The following IGSF21 variants were observed in gnomAD, a reference collection of about 807,000 sequenced individuals.
IGSF21 encodes the protein immunoglobulin superfamily member 21.
In IGSF21, 28 loss-of-function variants were observed where a neutral mutation model predicts 46.8. The ratio of observed to expected loss-of-function variants is 0.60; its 90% CI spans 0.44 to 0.82. The LOEUF is 0.82. Ranked by LOEUF, IGSF21 falls within the 40% of genes least tolerant of loss-of-function variation. The pLI, the probability that IGSF21 is intolerant of heterozygous loss-of-function variation, is 0.00. For synonymous variants in IGSF21, 284 were observed against 273.6 expected (o/e 1.04, Z -0.38); for missense variants, 624 against 665.5 (o/e 0.94, Z 0.69).
At chr1:18,122,917 G>T (rs1027912418) in intron 1 of IGSF21, among the ~76,000 whole-genome samples, 1 of 151,640 alleles carries the variant, frequency 6.6e-6, no homozygotes, top group African/African-American at 2.4e-5. Flanking sequence ...ATGAGCCACC[G>T]CACCCAGCCA....
At chr1:18,178,390 A>G (rs1303232102) in intron 1 of IGSF21, among the ~76,000 whole-genome samples, 2 of 151,988 alleles carry the variant, frequency 1.3e-5, no homozygotes, top group African/African-American at 4.8e-5. Context: ...CCTGAGTTGA[A>G]ATCCCTGATC....
intron 5 of IGSF21, among the ~76,000 whole-genome samples, chr1:18,364,085 C>T (rs1557661939): frequency 1.3e-5 from 2 of 152,086 alleles, no homozygotes; most frequent in African/African-American, 4.8e-5. Flanking sequence ...AGGAAGACCC[C>T]TCCTACCCAG....
At chr1:18,375,883 G>T (rs777205594) in intron 6 of IGSF21, 31 of 190,240 alleles carry the variant, frequency 1.6e-4, no homozygotes, top group Non-Finnish European at 3.1e-4. Context: ...GGTACCTCAA[G>T]TCTGGCTGCT....
At chr1:18,377,141 C>T (rs918879087) in intron 8 of IGSF21, 149 bp downstream of exon 8, 15 of 836,916 alleles carry the variant, frequency 1.8e-5, no homozygotes, top group Admixed American at 5.7e-5. Flanking sequence ...CACTGGGAGG[C>T]AGGGTCGCTC....
intron 1 of IGSF21, among the ~76,000 whole-genome samples, chr1:18,199,678 C>G (rs1426919281): frequency 6.6e-6 from 1 of 152,292 alleles, no homozygotes; most frequent in East Asian, 1.9e-4. Context: ...CCCCCCTCCC[C>G]CTTCCCTGGT....
intron 2 of IGSF21, among the ~76,000 whole-genome samples, chr1:18,281,843 T>C (rs897969582): frequency 3.3e-5 from 5 of 152,024 alleles, no homozygotes; most frequent in Non-Finnish European, 7.4e-5. Context: ...GACCTGAGTA[T>C]CTCAGGTGCT....
chr1:18,167,380 C>A (rs1037980022), intron 1 of IGSF21, among the ~76,000 whole-genome samples: 6 of 152,104 alleles, frequency 3.9e-5, no homozygotes, highest in Non-Finnish European at 5.9e-5. Context: ...GAAACCAAGA[C>A]TTGAAAAGGT....
chr1:18,281,418 T>C (rs1358070144), intron 2 of IGSF21, among the ~76,000 whole-genome samples: 4 of 151,830 alleles, frequency 2.6e-5, no homozygotes, highest in Non-Finnish European at 5.9e-5. Flanking sequence ...ATATAAAAAC[T>C]AGCCAGTCGT....
chr1:18,286,482 G>A (rs532052492), intron 2 of IGSF21, among the ~76,000 whole-genome samples: 4 of 152,340 alleles, frequency 2.6e-5, no homozygotes, highest in East Asian at 1.9e-4. Flanking sequence ...GCATAACTAC[G>A]TGCACAGCCT....
rs1398489917 is a variant in IGSF21, at chr1:18,109,066, T to C, written c.70+868T>C. 6.9e-6 allele frequency among the ~76,000 whole-genome samples: 1 copy of C among 144,628 alleles called. No homozygotes were observed. Among genetic ancestry groups the C allele is most frequent in the Non-Finnish European group, 1.5e-5 (1 of 66,578 alleles). The allele number at this position is 144,628 out of a possible 152,430, so 94.9% of individuals were successfully genotyped here. A position where few individuals can be genotyped will look rare whatever the true frequency, so the allele number is the denominator to read the frequency against. On this transcript the variant is annotated intron_variant, in intron 1 of 9. Coordinates refer to ENST00000251296, the MANE Select transcript of IGSF21 (RefSeq NM_032880.5). The surrounding 1 kb of genome is among the most constrained non-coding windows in gnomAD (Gnocchi z 4.8). ...TTAGGCTAAGACAGCTAGAAGGAGG[T>C]TGAAGCCGAGCGGGTTCTCCGGAGC...
chr1:18,156,076 C>A (rs2086565816), intron 1 of IGSF21, among the ~76,000 whole-genome samples: 2 of 152,194 alleles, frequency 1.3e-5, no homozygotes, highest in Non-Finnish European at 2.9e-5. Flanking sequence ...CAGGGCACCT[C>A]TCACACGCGA....
intron 2 of IGSF21, among the ~76,000 whole-genome samples, chr1:18,234,344 CA>C (rs2084654379): frequency 6.6e-6 from 1 of 152,184 alleles, no homozygotes; most frequent in African/African-American, 2.4e-5. Flanking sequence ...CTTATCATAT[CA>C]GTCACATGGG....
rs578244914 is a variant in IGSF21 at position 18,133,988 on chromosome 1, T to C, written c.70+25790T>C. 2.6e-5 allele frequency among the ~76,000 whole-genome samples: 4 copies of C among 152,330 alleles called. No individual in the cohort carries two copies. In the East Asian group the frequency reaches 5.8e-4, roughly 22 times the overall value. ...TGAGCTAAATCCCTTATTTAAGAGATCTTTATCAAGTTTTGATAATGTGCC... is the reference window on the plus strand; with the variant it reads ...TGAGCTAAATCCCTTATTTAAGAGACCTTTATCAAGTTTTGATAATGTGCC... On this transcript the variant is annotated intron_variant, in intron 1 of 9. Transcript: ENST00000251296.
intron 1 of IGSF21, among the ~76,000 whole-genome samples, chr1:18,166,431 G>A (rs1435664337): frequency 6.6e-6 from 1 of 152,070 alleles, no homozygotes; most frequent in East Asian, 1.9e-4. Context: ...CTGGCAATTC[G>A]CACAGCCGCA....
intron 2 of IGSF21, among the ~76,000 whole-genome samples, chr1:18,250,119 C>CTCCT (rs1553157714): frequency 7.2e-6 from 1 of 138,520 alleles, no homozygotes; most frequent in Admixed American, 7.2e-5. Flanking sequence ...CCCTCCCTCC[C>CTCCT]TCCCTCCCTC....
At chr1:18,164,676 G>A (rs188865348) in intron 1 of IGSF21, among the ~76,000 whole-genome samples, 37 of 151,880 alleles carry the variant, frequency 2.4e-4, no homozygotes, top group East Asian at 1.7e-3. Flanking sequence ...CTTTCTTCGC[G>A]ATTATCTTTC....
chr1:18,355,052 T>A (rs4920482), intron 4 of IGSF21, among the ~76,000 whole-genome samples: 45,628 of 151,914 alleles, frequency 0.3, 7,140 homozygotes, highest in East Asian at 0.41. Context: ...AGGCATCAAC[T>A]GATTTGCCCA....
At chr1:18,202,035 T>A (rs1025411815) in intron 1 of IGSF21, among the ~76,000 whole-genome samples, 1 of 152,126 alleles carries the variant, frequency 6.6e-6, no homozygotes, top group Non-Finnish European at 1.5e-5. Flanking sequence ...ACTTGGAAAA[T>A]TCCATTCCCA....
intron 2 of IGSF21, among the ~76,000 whole-genome samples, chr1:18,278,534 T>G (rs995587137): frequency 8.8e-6 from 1 of 113,066 alleles, no homozygotes; most frequent in Admixed American, 8.3e-5. Flanking sequence ...AGGTTTTTTT[T>G]GTTTGTTTGT....
Sources: gnomAD v4.1 joint callset for allele counts (sites outside exome capture counted in the v4.1 genomes callset) on GRCh38, gnomAD v4.1.1 for gene constraint, Gnocchi (gnomAD v3.1) non-coding constraint, MANE v1.5 for transcripts, NCBI Gene and HGNC (gene_info 2026-07-23, HGNC 2026-07-21) for gene names.